Variants in SLC4A4 observed in about 807,000 individuals in gnomAD.
SLC4A4 encodes the protein solute carrier family 4 member 4.
Under a neutral mutation model 111.5 loss-of-function variants are expected in SLC4A4, and 27 were observed. The ratio of observed to expected loss-of-function variants is 0.24; its 90% CI spans 0.18 to 0.33. The LOEUF is 0.33. Among genes scored for constraint, SLC4A4 ranks in the 10% least tolerant of loss-of-function variants. The probability of loss-of-function intolerance (pLI) is 1.00; values close to 1 mark genes in which losing one functional copy is unlikely to be tolerated. For synonymous variants in SLC4A4, 443 were observed against 463.4 expected, an observed-to-expected ratio of 0.96 and a Z score of 0.57; for missense variants, 909 against 1,315.5, an observed-to-expected ratio of 0.69 and a Z score of 4.78.
At chr4:71,211,713 C>T (rs563181584) in intron 1 of SLC4A4, among the ~76,000 whole-genome samples, 2 of 151,488 alleles carry the variant, frequency 1.3e-5, no homozygotes, top group East Asian at 3.9e-4. Context: ...AATTTAAAGT[C>T]ATGTCCCCCA....
chr4:71,556,721 T>C, intron 21 of SLC4A4, among the ~76,000 whole-genome samples: 1 of 152,074 alleles, frequency 6.6e-6, no homozygotes, highest in East Asian at 1.9e-4. Context: ...TAACCCAAAC[T>C]TTATAAATGA....
At chr4:71,473,416 C>T (rs1166764345) in intron 14 of SLC4A4, 1 of 293,428 alleles carries the variant, frequency 3.4e-6, no homozygotes, top group Non-Finnish European at 6.3e-6. Flanking sequence ...GATACTAATC[C>T]ACTTCAGATA....
chr4:71,522,566 A>T (rs1733048943), intron 16 of SLC4A4, among the ~76,000 whole-genome samples: 1 of 152,228 alleles, frequency 6.6e-6, no homozygotes, highest in South Asian at 2.1e-4. Flanking sequence ...CGCATGAATT[A>T]GGCAAAATTA....
Position 71,562,431 on chromosome 4 carries a change from A to G in SLC4A4, c.3100-1362A>G, listed in dbSNP as rs1737072873. 2.0e-5 allele frequency among the ~76,000 whole-genome samples: 3 copies of G among 151,700 alleles called. 1 individual carries two copies. The South Asian group carries it at 6.2e-4, about 31-fold the overall frequency. On this transcript the variant is annotated intron_variant, in intron 23 of 25. Coordinates refer to ENST00000264485, the MANE Select transcript of SLC4A4 (RefSeq NM_001098484.3). ...CGGGGACATGAGGGTTACAGCTATA[A>G]TATAATATTTATGAGCACAATTAGT...
chr4:71,354,112 A>G (rs1730080737), intron 5 of SLC4A4, among the ~76,000 whole-genome samples: 1 of 152,188 alleles, frequency 6.6e-6, no homozygotes, highest in Non-Finnish European at 1.5e-5. Flanking sequence ...TAGTATCCTC[A>G]TTGTAATTCT....
intron 2 of SLC4A4, among the ~76,000 whole-genome samples, chr4:71,107,430 T>A (rs560388894): frequency 6.6e-6 from 1 of 152,112 alleles, no homozygotes; most frequent in Admixed American, 6.6e-5. Flanking sequence ...CATTGCAACC[T>A]CTGCCTCCCA....
At position 71,303,235 on chromosome 4, in the gene SLC4A4, G is replaced by C. The variant is rs74334751; in HGVS notation, c.254-36135G>C. Among the ~76,000 whole-genome samples, 82 of 152,334 alleles carry C rather than the reference G, an allele frequency of 5.4e-4. No individual in the cohort carries two copies. In the East Asian group the frequency reaches 0.015, roughly 27 times the overall value. ...GAGAAATGGTAAGAAGGGAGGTAGA[G>C]GAGTTTATTGATTACTCATGTAATG... On this transcript the variant is annotated intron_variant, in intron 3 of 25. Coordinates refer to ENST00000264485, the MANE Select transcript of SLC4A4 (RefSeq NM_001098484.3).
intron 18 of SLC4A4, among the ~76,000 whole-genome samples, chr4:71,537,617 A>ATTCT (rs1734672664): frequency 6.6e-6 from 1 of 151,024 alleles, no homozygotes; most frequent in African/African-American, 2.4e-5. Context: ...ATCCTGGGAG[A>ATTCT]TTCTTTCTTT....
intron 6 of SLC4A4, among the ~76,000 whole-genome samples, chr4:71,364,496 G>A (rs1489560018): frequency 2.0e-5 from 3 of 152,158 alleles, no homozygotes; most frequent in African/African-American, 7.2e-5. Flanking sequence ...AGGCTGGCAA[G>A]TCCAAGATCT....
intron 7 of SLC4A4, among the ~76,000 whole-genome samples, chr4:71,421,553 A>G (rs1179810478): frequency 4.6e-5 from 7 of 152,288 alleles, no homozygotes; most frequent in East Asian, 3.9e-4. Context: ...GCACCACACC[A>G]CACCTATTCC....
chr4:71,219,515 G>T (rs1169701333), intron 1 of SLC4A4, among the ~76,000 whole-genome samples: 5 of 152,216 alleles, frequency 3.3e-5, no homozygotes, highest in African/African-American at 1.2e-4. Context: ...TGGTTTTTAT[G>T]TGTGCTAAAA....
At chr4:71,368,224 T>C (rs1179564946) in intron 6 of SLC4A4, among the ~76,000 whole-genome samples, 1 of 152,206 alleles carries the variant, frequency 6.6e-6, no homozygotes, top group African/African-American at 2.4e-5. Flanking sequence ...TGGTGTTGTT[T>C]CCTCCAGGTG....
At chr4:71,474,577 A>G (rs893172355) in intron 14 of SLC4A4, among the ~76,000 whole-genome samples, 3 of 151,912 alleles carry the variant, frequency 2.0e-5, no homozygotes, top group Admixed American at 2.0e-4. Flanking sequence ...GAGAAAAAAG[A>G]GAACACTACT....
intron 7 of SLC4A4, among the ~76,000 whole-genome samples, chr4:71,438,893 A>G (rs1405042227): frequency 1.3e-5 from 2 of 152,016 alleles, no homozygotes; most frequent in African/African-American, 4.8e-5. Context: ...GTGTTTACCT[A>G]TTTATATTAT....
chr4:71,081,380 T>A (rs1741989077), intron 1 of SLC4A4, among the ~76,000 whole-genome samples: 2 of 152,142 alleles, frequency 1.3e-5, no homozygotes, highest in Admixed American at 6.5e-5. Context: ...ACTCTGCTGT[T>A]GCTAATGCAG....
At chr4:71,358,328 A>G (rs549104395) in intron 6 of SLC4A4, among the ~76,000 whole-genome samples, 107 of 151,872 alleles carry the variant, frequency 7.0e-4, no homozygotes, top group African/African-American at 1.8e-3. Context: ...AAAAAAAAAA[A>G]AGAGAGAGAG....
chr4:71,423,550 A>G (rs1722776244), intron 7 of SLC4A4, among the ~76,000 whole-genome samples: 1 of 152,190 alleles, frequency 6.6e-6, no homozygotes, highest in African/African-American at 2.4e-5. Context: ...CTAAGCCAAA[A>G]GAACAAAGCT....
chr4:71,332,570 G>A (rs576597168), intron 3 of SLC4A4, among the ~76,000 whole-genome samples: 1 of 150,914 alleles, frequency 6.6e-6, no homozygotes, highest in Non-Finnish European at 1.5e-5. Flanking sequence ...TCAGCCTCCC[G>A]AGTAGCTGGG....
At chr4:71,205,666 A>C (rs140886677) in intron 1 of SLC4A4, among the ~76,000 whole-genome samples, 25 of 152,340 alleles carry the variant, frequency 1.6e-4, no homozygotes, top group Non-Finnish European at 3.4e-4. Flanking sequence ...TATGGACCAC[A>C]AAACAAAAGG....
Sources: gnomAD v4.1 joint callset for allele counts (sites outside exome capture counted in the v4.1 genomes callset) on GRCh38, gnomAD v4.1.1 for gene constraint, MANE v1.5 for transcripts, NCBI Gene and HGNC (gene_info 2026-07-23, HGNC 2026-07-21) for gene names.